The following DPH6 variants were observed in gnomAD, a reference collection of about 807,000 sequenced individuals.
DPH6 encodes the protein diphthine--ammonia ligase.
Under a neutral mutation model 38.2 loss-of-function variants are expected in DPH6, and 33 were observed. The observed-to-expected ratio is 0.86, with a 90% CI of 0.65 to 1.15. The LOEUF (loss-of-function observed/expected upper bound fraction) is 1.15, where lower values mean the gene tolerates loss of function less well. DPH6 is among the 50% of genes most tolerant of loss of function. The pLI is 0.00. For missense variants in DPH6, 325 were observed against 320.0 expected (o/e 1.02, Z -0.12); for synonymous variants, 108 against 103.0 (o/e 1.05, Z -0.30).
intron 5 of DPH6, among the ~76,000 whole-genome samples, chr15:35,446,849 T>C (rs1263733253): frequency 6.6e-6 from 1 of 151,596 alleles, no homozygotes; most frequent in African/African-American, 2.4e-5. Context: ...ATTTTATTCC[T>C]CTAGATTACA....
chr15:35,408,618 C>G (rs1164161385), intron 6 of DPH6, among the ~76,000 whole-genome samples: 1 of 151,796 alleles, frequency 6.6e-6, no homozygotes, highest in African/African-American at 2.4e-5. Flanking sequence ...AACTAGGAGT[C>G]AGAAAAAGAG....
At chr15:35,466,541 C>G (rs911563631) in intron 3 of DPH6, among the ~76,000 whole-genome samples, 1 of 151,824 alleles carries the variant, frequency 6.6e-6, no homozygotes, top group African/African-American at 2.4e-5. Context: ...CCACTACTAC[C>G]AAGAAAAAAA....
At chr15:35,312,010 G>GAAAA (rs10573455) in intron 3 of DPH6, among the ~76,000 whole-genome samples, 420 of 101,860 alleles carry the variant, frequency 4.1e-3, no homozygotes, top group East Asian at 5.6e-3. Flanking sequence ...TTAAGAAAAT[G>GAAAA]AAAAAAAAAA....
chr15:35,448,462 TATC>T (rs2053885224), intron 5 of DPH6, among the ~76,000 whole-genome samples: 2 of 152,144 alleles, frequency 1.3e-5, no homozygotes, highest in East Asian at 3.9e-4. Flanking sequence ...GATTGTGAAA[TATC>T]ATGAACTCAT....
intron 6 of DPH6, among the ~76,000 whole-genome samples, chr15:35,406,464 G>A (rs1364933260): frequency 6.6e-6 from 1 of 151,978 alleles, no homozygotes; most frequent in Non-Finnish European, 1.5e-5. Flanking sequence ...ATATCATGAT[G>A]GGACTGTGGA....
At chr15:35,393,320 C>T (rs901215303) in intron 6 of DPH6, among the ~76,000 whole-genome samples, 2 of 152,078 alleles carry the variant, frequency 1.3e-5, no homozygotes, top group Non-Finnish European at 2.9e-5. Context: ...TCTTCCTCTT[C>T]CATCATAAGG....
chr15:35,147,020 C>T, the DPH6 span, among the ~76,000 whole-genome samples: 3 of 152,204 alleles, frequency 2.0e-5, no homozygotes, highest in African/African-American at 4.8e-5. Context: ...AACAGTGTCA[C>T]ATTTATTGAA....
chr15:35,522,362 C>T (rs566590696), intron 3 of DPH6: 2 of 1,363,530 alleles, frequency 1.5e-6, no homozygotes, highest in Admixed American at 4.4e-5. Flanking sequence ...TACCATCTTT[C>T]ACCACCAGTC....
At chr15:35,486,164 G>A (rs1192071047) in intron 3 of DPH6, among the ~76,000 whole-genome samples, 1 of 151,686 alleles carries the variant, frequency 6.6e-6, no homozygotes, top group African/African-American at 2.4e-5. Flanking sequence ...AGGATGGAAT[G>A]AGTGCAAGCA....
the DPH6 span, among the ~76,000 whole-genome samples, chr15:35,147,401 A>C: frequency 6.6e-6 from 1 of 152,224 alleles, no homozygotes; most frequent in Non-Finnish European, 1.5e-5. Flanking sequence ...GGAATGTAAA[A>C]AAATATAAAA....
chr15:35,347,834 G>T (rs2052475415), intron 3 of DPH6, among the ~76,000 whole-genome samples: 1 of 151,842 alleles, frequency 6.6e-6, no homozygotes, highest in African/African-American at 2.4e-5. Flanking sequence ...TGTTTTTGTT[G>T]ATTACCATCC....
intron 5 of DPH6, among the ~76,000 whole-genome samples, chr15:35,411,647 G>T (rs1443901564): frequency 6.6e-6 from 1 of 151,534 alleles, no homozygotes; most frequent in Non-Finnish European, 1.5e-5. Flanking sequence ...AAAATCCCAT[G>T]TCACAAGTGG....
chr15:35,272,609 T>C (rs1428356685), intron 3 of DPH6, among the ~76,000 whole-genome samples: 3 of 151,952 alleles, frequency 2.0e-5, no homozygotes, highest in Non-Finnish European at 4.4e-5. Flanking sequence ...TGAGATCTGA[T>C]TGTTTAAAAG....
intron 3 of DPH6, among the ~76,000 whole-genome samples, chr15:35,296,722 T>C (rs931830350): frequency 2.6e-4 from 39 of 152,066 alleles, no homozygotes; most frequent in African/African-American, 7.7e-4. Context: ...CCAATCTTAC[T>C]ATATTTTCCT....
intron 4 of DPH6, among the ~76,000 whole-genome samples, chr15:35,451,959 G>T (rs529210270): frequency 3.9e-4 from 59 of 152,244 alleles, no homozygotes; most frequent in African/African-American, 1.4e-3. Context: ...GCCGTAAGCC[G>T]AGATTGCGCC....
chr15:35,396,055 A>G (rs1023596539), intron 6 of DPH6, among the ~76,000 whole-genome samples: 2 of 152,138 alleles, frequency 1.3e-5, no homozygotes, highest in African/African-American at 2.4e-5. Context: ...GTCAAATACC[A>G]CTAAAAATCT....
chr15:35,160,943 G>C, the DPH6 span, among the ~76,000 whole-genome samples: 1 of 151,910 alleles, frequency 6.6e-6, no homozygotes, highest in Non-Finnish European at 1.5e-5. Flanking sequence ...TGAACAATGA[G>C]AACACATGGA....
chr15:35,501,539 G>A (rs1001095514), intron 3 of DPH6, among the ~76,000 whole-genome samples: 2 of 152,024 alleles, frequency 1.3e-5, no homozygotes, highest in African/African-American at 4.8e-5. Flanking sequence ...GTTATACAAA[G>A]AACTTAAAGA....
chr15:35,334,720 T>C (rs983647727), intron 3 of DPH6, among the ~76,000 whole-genome samples: 1 of 152,194 alleles, frequency 6.6e-6, no homozygotes, highest in Admixed American at 6.5e-5. Flanking sequence ...TCCATGTCCC[T>C]GCAAAGGACA....
Sources: gnomAD v4.1 joint callset for allele counts (sites outside exome capture counted in the v4.1 genomes callset) on GRCh38, gnomAD v4.1.1 for gene constraint, MANE v1.5 for transcripts, NCBI Gene and HGNC (gene_info 2026-07-23, HGNC 2026-07-21) for gene names.